The following PADI1 variants were observed in gnomAD, a reference collection of about 807,000 sequenced individuals.
PADI1 encodes the protein peptidyl arginine deiminase 1, also known as protein-arginine deiminase type-1.
A neutral mutation model predicts 74.8 loss-of-function variants in PADI1; 65 were observed. That is an observed-to-expected ratio of 0.87 (90% CI 0.71 to 1.07). PADI1 has a LOEUF of 1.07. Among genes scored for constraint, PADI1 ranks in the 50% least tolerant of loss-of-function variants. The pLI is 0.00. For missense variants in PADI1, 943 were observed against 854.0 expected, an observed-to-expected ratio of 1.10 and a Z score of -1.30; for synonymous variants, 371 against 336.2, an observed-to-expected ratio of 1.10 and a Z score of -1.13.
At chr1:17,206,206 TG>T (rs2071678474) in intron 1 of PADI1, among the ~76,000 whole-genome samples, 1 of 152,182 alleles carries the variant, frequency 6.6e-6, no homozygotes, top group Non-Finnish European at 1.5e-5. Context: ...AGCTGGGTGC[TG>T]GGGGTCTGTT....
At position 17,228,634 on chromosome 1, in the gene PADI1, C is replaced by G; in HGVS notation, c.662C>G (p.Ser221Cys). The change falls in exon 7 of 16, where the codon TCT becomes TGT. Residue 221 changes from serine (S) to cysteine (C), a missense_variant. By Grantham distance (112) the Ser-to-Cys change is moderately radical. Transcript: ENST00000375471. ...VRVFCARGGN[S>C]LSDYKQVLGP... ...CTCTTGTTCTTCCTAGGTGGGAATT[C>G]TCTCTCGGACTACAAACAGGTGCTG... The G allele has an allele frequency of 6.2e-7, 1 of 1,614,190 alleles. No homozygotes were observed. The highest frequency in any genetic ancestry group is 8.5e-7 in the Non-Finnish European group (1 of 1,180,006).
At chr1:17,241,867 G>A (rs111287420) in intron 15 of PADI1, among the ~76,000 whole-genome samples, 3 of 147,226 alleles carry the variant, frequency 2.0e-5, no homozygotes, top group East Asian at 4.0e-4. Context: ...AGTGAATGTC[G>A]GAATCGGGAT....
At chr1:17,225,613 C>T (rs1005253648) in intron 4 of PADI1, among the ~76,000 whole-genome samples, 198 bp from the exon 5 acceptor site, 4 of 152,158 alleles carry the variant, frequency 2.6e-5, no homozygotes, top group Non-Finnish European at 1.5e-5. Context: ...GTGCAGGTTG[C>T]TCACTGCACA....
Position 17,244,143 on chromosome 1 carries a change from A to T in PADI1, c.1892A>T (p.Asp631Val). 6.2e-7 allele frequency: 1 copy of T among 1,614,208 alleles called. No homozygotes were observed. Among genetic ancestry groups the T allele is most frequent in the Non-Finnish European group, 8.5e-7 (1 of 1,180,040 alleles). Residue 631 changes from aspartate (D) to valine (V), a missense_variant, in exon 16 of 16, where the codon GAT becomes GTT. Asp to Val is a radical substitution (Grantham distance 152). Coordinates refer to ENST00000375471, the MANE Select transcript of PADI1 (RefSeq NM_013358.3). ...EPLGLHCIFIDDYLSYHELQG... is the reference protein window; with the variant it reads ...EPLGLHCIFIVDYLSYHELQG... The stretch of plus-strand genomic sequence containing the variant: ...CTGGGCCTGCACTGCATCTTCATTG[A>T]TGACTACTTGTCCTACCACGAGCTG...
chr1:17,240,193 C>T, intron 14 of PADI1: 1 of 248,960 alleles, frequency 4.0e-6, no homozygotes, highest in East Asian at 8.7e-5. Flanking sequence ...AGGGGCAGGG[C>T]TCACCCCAAG....
At chr1:17,231,627 G>A (rs2977238) in intron 10 of PADI1, among the ~76,000 whole-genome samples, 64,196 of 152,046 alleles carry the variant, frequency 0.42, 13,770 homozygotes, top group South Asian at 0.48. Context: ...GGCTTGGCCT[G>A]TAGGAGCCAG....
chr1:17,237,858 G>T (rs929474412), intron 12 of PADI1, among the ~76,000 whole-genome samples: 28 of 152,230 alleles, frequency 1.8e-4, no homozygotes, highest in African/African-American at 6.5e-4. Context: ...CAGCCTGCAG[G>T]TGTCAGGATA....
At chr1:17,223,357 C>T (rs531492234) in intron 2 of PADI1, 72 of 484,530 alleles carry the variant, frequency 1.5e-4, no homozygotes, top group African/African-American at 1.3e-3. Flanking sequence ...AGCTGCCCCA[C>T]CTTTCCCATC....
At chr1:17,232,397 G>C (rs919229420) in intron 10 of PADI1, among the ~76,000 whole-genome samples, 2 of 152,232 alleles carry the variant, frequency 1.3e-5, no homozygotes, top group African/African-American at 4.8e-5. Flanking sequence ...GCCCCACCAC[G>C]CTCAGTTTAA....
intron 3 of PADI1, among the ~76,000 whole-genome samples, chr1:17,224,069 C>G (rs1364692036): frequency 6.6e-6 from 1 of 152,256 alleles, no homozygotes. Flanking sequence ...GGCCATGTCC[C>G]CAGTTCTCAG....
intron 6 of PADI1, among the ~76,000 whole-genome samples, chr1:17,226,713 A>C (rs2072322874): frequency 6.6e-6 from 1 of 152,186 alleles, no homozygotes; most frequent in Non-Finnish European, 1.5e-5. Flanking sequence ...CAGGAGTTTG[A>C]GAGCAGCCTG....
intron 15 of PADI1, 115 bp downstream of exon 15, chr1:17,240,875 T>A: frequency 8.8e-7 from 1 of 1,139,356 alleles, no homozygotes; most frequent in Non-Finnish European, 1.3e-6. Flanking sequence ...ACCTCTCCAG[T>A]GTCTGTTTTT....
At chr1:17,229,877 C>T (rs769709076) in intron 8 of PADI1, among the ~76,000 whole-genome samples, 7 of 152,186 alleles carry the variant, frequency 4.6e-5, no homozygotes, top group African/African-American at 1.2e-4. Flanking sequence ...CACCACTGCC[C>T]GCGCTTATGC....
At chr1:17,242,507 G>A (rs560199534) in intron 15 of PADI1, among the ~76,000 whole-genome samples, 7 of 152,194 alleles carry the variant, frequency 4.6e-5, no homozygotes, top group East Asian at 1.9e-4. Context: ...GGCTGAAGGT[G>A]GCGGGGAGGG....
At chr1:17,210,962 C>T (rs991256167) in intron 1 of PADI1, among the ~76,000 whole-genome samples, 1 of 152,202 alleles carries the variant, frequency 6.6e-6, no homozygotes, top group South Asian at 2.1e-4. Flanking sequence ...GGTGATGATA[C>T]GGCCCATGGC....
Position 17,228,765 on chromosome 1 carries a change from G to T in PADI1, c.793G>T (p.Val265Phe), listed in dbSNP as rs747659256. The T allele has an allele frequency of 1.2e-6, 2 of 1,614,170 alleles. No homozygotes were observed. The highest frequency in any genetic ancestry group is 1.7e-5 in the Admixed American group (1 of 60,034). Reference sequence around the variant, plus strand: ...CCCCGATGCCGATTTCCTAGGGCTGGTTTCCCTCAGTGTCAGCCTGGTGGA... The same window carrying T: ...CCCCGATGCCGATTTCCTAGGGCTGTTTTCCCTCAGTGTCAGCCTGGTGGA... ...TFPDADFLGL[V>F]SLSVSLVDPG... The change falls in exon 7 of 16, where the codon GTT (valine) becomes TTT (phenylalanine). Residue 265 changes from valine to phenylalanine, a missense_variant. Transcript: ENST00000375471.
At chr1:17,227,530 C>CAAATAAATAAAT (rs56966982) in intron 6 of PADI1, among the ~76,000 whole-genome samples, 20 of 138,356 alleles carry the variant, frequency 1.4e-4, no homozygotes, top group South Asian at 2.4e-4. Flanking sequence ...GACCCTGTCT[C>CAAATAAATAAAT]AAATAAATAA....
chr1:17,206,922 C>T (rs59339071), intron 1 of PADI1, among the ~76,000 whole-genome samples: 10,804 of 152,086 alleles, frequency 0.071, 1,236 homozygotes, highest in African/African-American at 0.24. Context: ...CTCAAGTGAT[C>T]AACCCACCTC....
At chr1:17,224,457 G>A in intron 4 of PADI1, 29 bp downstream of exon 4, 1 of 1,593,736 alleles carries the variant, frequency 6.3e-7, no homozygotes, top group South Asian at 1.1e-5. Flanking sequence ...CCCCAAGGCT[G>A]CGGGGTTGAA....
Sources: gnomAD v4.1 joint callset for allele counts (sites outside exome capture counted in the v4.1 genomes callset) on GRCh38, gnomAD v4.1.1 for gene constraint, MANE v1.5 for transcripts, NCBI Gene and HGNC (gene_info 2026-07-23, HGNC 2026-07-21) for gene names.